The following LPAR1 variants were observed in gnomAD, a reference collection of about 807,000 sequenced individuals.
LPAR1 encodes lysophosphatidic acid receptor 1.
In LPAR1, 5 loss-of-function variants were observed where a neutral mutation model predicts 23.8. The observed-to-expected ratio is 0.21, with a 90% CI of 0.11 to 0.44. LPAR1 has a LOEUF of 0.44. Among genes scored for constraint, LPAR1 ranks in the 20% least tolerant of loss-of-function variants. The pLI is 0.99. For missense variants in LPAR1, 311 were observed against 482.8 expected (o/e 0.64, Z 3.33); for synonymous variants, 160 against 164.7 (o/e 0.97, Z 0.22).
intron 2 of LPAR1, among the ~76,000 whole-genome samples, chr9:111,016,189 C>G (rs2097441782): frequency 6.6e-6 from 1 of 152,150 alleles, no homozygotes; most frequent in South Asian, 2.1e-4. Context: ...AGATTAATCA[C>G]CACCTCCTCT....
chr9:110,938,064 T>A (rs2094843498), intron 5 of LPAR1, among the ~76,000 whole-genome samples: 1 of 152,198 alleles, frequency 6.6e-6, no homozygotes, highest in African/African-American at 2.4e-5. Context: ...CTTGGTTTTG[T>A]CATCACATGC....
At chr9:110,951,815 A>C (rs879337780) in intron 4 of LPAR1, among the ~76,000 whole-genome samples, 3 of 152,226 alleles carry the variant, frequency 2.0e-5, no homozygotes, top group Non-Finnish European at 4.4e-5. Context: ...CATGAATTCC[A>C]ATTGCCACTC....
At chr9:110,895,682 G>A (rs72764214) in intron 5 of LPAR1, among the ~76,000 whole-genome samples, 24,926 of 152,098 alleles carry the variant, frequency 0.16, 2,612 homozygotes, top group Admixed American at 0.24. Flanking sequence ...GGGGGTGTTC[G>A]GAGCTGGATG....
intron 5 of LPAR1, among the ~76,000 whole-genome samples, chr9:110,924,057 T>C (rs957447936): frequency 1.3e-5 from 2 of 152,026 alleles, no homozygotes; most frequent in Non-Finnish European, 2.9e-5. Flanking sequence ...ACACAAATGG[T>C]TGTAACATAG....
rs73535649 is a variant in LPAR1, at chr9:110,882,189, T to C, written c.794-6467A>G. Among the ~76,000 whole-genome samples, 971 of 152,294 alleles carry C rather than the reference T, an allele frequency of 6.4e-3. 9 individuals are homozygous for C. Among genetic ancestry groups the C allele is most frequent in the African/African-American group, 0.022 (923 of 41,548 alleles). ...TATATCCTTTATTTATACCCAAAAT[T>C]ATTGTATTTATTGGTTTACATGTTT... On this transcript the variant is annotated intron_variant, in intron 5 of 5. Transcript: ENST00000683809.
intron 5 of LPAR1, among the ~76,000 whole-genome samples, chr9:110,918,030 G>A (rs569996744): frequency 6.6e-6 from 1 of 152,210 alleles, no homozygotes; most frequent in South Asian, 2.1e-4. Flanking sequence ...AGCCTTCCAA[G>A]TAGCTGGGAC....
At chr9:111,036,572 A>G (rs1337680611) in intron 1 of LPAR1, among the ~76,000 whole-genome samples, 1 of 152,108 alleles carries the variant, frequency 6.6e-6, no homozygotes, top group African/African-American at 2.4e-5. Context: ...TGGAAGGAAC[A>G]GCAACGATCA....
At chr9:110,961,110 T>G (rs908721366) in intron 4 of LPAR1, among the ~76,000 whole-genome samples, 1 of 152,098 alleles carries the variant, frequency 6.6e-6, no homozygotes, top group South Asian at 2.1e-4. Flanking sequence ...AAACTATGTT[T>G]TTACTGTGAT....
chr9:110,967,167 T>C (rs2096254132), intron 4 of LPAR1, among the ~76,000 whole-genome samples: 1 of 152,198 alleles, frequency 6.6e-6, no homozygotes, highest in South Asian at 2.1e-4. Flanking sequence ...GGCATCTTCT[T>C]GCTGCTGCTA....
chr9:111,028,135 T>TC (rs2097731046), intron 2 of LPAR1, among the ~76,000 whole-genome samples: 1 of 151,202 alleles, frequency 6.6e-6, no homozygotes, highest in Non-Finnish European at 1.5e-5. Context: ...AATAAGAATT[T>TC]TTTTTTTTTT....
chr9:111,018,488 A>C (rs553893378), intron 2 of LPAR1, among the ~76,000 whole-genome samples: 1 of 152,366 alleles, frequency 6.6e-6, no homozygotes, highest in East Asian at 1.9e-4. Context: ...AATGGAATTA[A>C]CATCACTTCC....
At chr9:110,950,291 C>A (rs2095528162) in intron 4 of LPAR1, among the ~76,000 whole-genome samples, 1 of 151,922 alleles carries the variant, frequency 6.6e-6, no homozygotes, top group Admixed American at 6.6e-5. Context: ...AAAATCCCAT[C>A]TCTACTATAA....
intron 4 of LPAR1, among the ~76,000 whole-genome samples, chr9:110,958,181 C>A (rs2095826140): frequency 6.6e-6 from 1 of 152,136 alleles, no homozygotes; most frequent in Admixed American, 6.5e-5. Flanking sequence ...TCAATGCAAT[C>A]TCTATCAAAA....
At chr9:110,922,824 ATATTATTAT>A (rs61229734) in intron 5 of LPAR1, among the ~76,000 whole-genome samples, 11 of 142,240 alleles carry the variant, frequency 7.7e-5, no homozygotes, top group African/African-American at 1.0e-4. Flanking sequence ...TCTTATTATT[ATATTATTAT>A]TATTATTATT....
intron 2 of LPAR1, among the ~76,000 whole-genome samples, chr9:111,023,102 A>G (rs1012994820): frequency 1.3e-5 from 2 of 151,084 alleles, no homozygotes; most frequent in Non-Finnish European, 2.9e-5. Flanking sequence ...AATATACTAT[A>G]TTGCTCTAAT....
chr9:110,947,207 C>G (rs1487978148), intron 4 of LPAR1, among the ~76,000 whole-genome samples: 1 of 152,086 alleles, frequency 6.6e-6, no homozygotes, highest in Non-Finnish European at 1.5e-5. Context: ...CAAAAATACA[C>G]TCATACAAAG....
chr9:111,033,718 A>AT (rs1564396735), intron 2 of LPAR1, among the ~76,000 whole-genome samples: 1 of 151,982 alleles, frequency 6.6e-6, no homozygotes, highest in African/African-American at 2.4e-5. Flanking sequence ...CACCTGGCTA[A>AT]TTTTTTGTAT....
chr9:110,973,986 C>T (rs2096491522), intron 2 of LPAR1, among the ~76,000 whole-genome samples: 1 of 152,120 alleles, frequency 6.6e-6, no homozygotes, highest in Admixed American at 6.5e-5. Flanking sequence ...GCCTGACCAA[C>T]ATGGTGAAAC....
chr9:110,904,997 T>C (rs3780528), intron 5 of LPAR1, among the ~76,000 whole-genome samples: 43,670 of 152,110 alleles, frequency 0.29, 9,811 homozygotes, highest in African/African-American at 0.63. Flanking sequence ...TACTGGAGCA[T>C]GGACCATTTC....
Sources: gnomAD v4.1 joint callset for allele counts (sites outside exome capture counted in the v4.1 genomes callset) on GRCh38, gnomAD v4.1.1 for gene constraint, MANE v1.5 for transcripts, NCBI Gene and HGNC (gene_info 2026-07-23, HGNC 2026-07-21) for gene names.